Variants in APP observed in about 807,000 individuals in gnomAD.
The protein encoded by APP is amyloid-beta precursor protein.
In APP, 31 loss-of-function variants were observed where a neutral mutation model predicts 101.4. The observed-to-expected ratio is 0.31, with a 90% confidence interval of 0.23 to 0.41. The LOEUF (loss-of-function observed/expected upper bound fraction) is 0.41. APP is among the 10% of genes least tolerant of loss of function. The pLI is 1.00. For synonymous variants in APP, 366 were observed against 364.4 expected (o/e 1.00, Z -0.05); for missense variants, 839 against 1,003.7 (o/e 0.84, Z 2.22).
At chr21:26,091,516 T>C (rs1364626448) in intron 2 of APP, among the ~76,000 whole-genome samples, 1 of 152,092 alleles carries the variant, frequency 6.6e-6, no homozygotes, top group Non-Finnish European at 1.5e-5. Flanking sequence ...CAAATTGGAA[T>C]ACTGGAAGGA....
rs2038154989 is a variant in APP at position 25,897,561 on chromosome 21, T to A, written c.2064+12A>T. ...CAAACAGTAGTGGAAAGAGGTAAAT[T>A]ATTTTACGTACCAATTTTTGATGAT... On this transcript the variant is annotated intron_variant, in intron 16 of 17. Transcript: ENST00000346798. 1.3e-6 allele frequency: 2 copies of A among 1,598,870 alleles called. No individual in the cohort carries two copies. The highest frequency in any genetic ancestry group is 1.7e-6 in the Non-Finnish European group (2 of 1,166,210).
intron 15 of APP, among the ~76,000 whole-genome samples, chr21:25,904,515 G>A (rs2038682407): frequency 6.6e-6 from 1 of 152,166 alleles, no homozygotes; most frequent in South Asian, 2.1e-4. Flanking sequence ...TTGGGCTCTG[G>A]AAAGAAACCA....
chr21:25,908,805 G>C (rs2038917428), intron 14 of APP, among the ~76,000 whole-genome samples: 1 of 151,888 alleles, frequency 6.6e-6, no homozygotes, highest in East Asian at 1.9e-4. Context: ...AGGAATTATT[G>C]TCAACCTTAT....
At chr21:26,021,075 T>C (rs1488023517) in intron 6 of APP, among the ~76,000 whole-genome samples, 1 of 131,744 alleles carries the variant, frequency 7.6e-6, no homozygotes. Flanking sequence ...TTTGAGACAA[T>C]CTTGCTCTGT....
At position 26,004,275 on chromosome 21, in the gene APP, C is replaced by CTTTTT. The variant is rs71183538; in HGVS notation, c.866-4098_866-4094dup. ...TATGCAGGGTCTCTTTGTATTAATT[C>CTTTTT]TTTTTTTTTTTTTTTTTTTTTTTTT... is the stretch of plus-strand genomic sequence containing the variant. On this transcript the variant is annotated intron_variant, in intron 6 of 17. Coordinates refer to ENST00000346798, the MANE Select transcript of APP (RefSeq NM_000484.4). Among the ~76,000 whole-genome samples, 41 of 72,796 alleles carry CTTTTT rather than the reference C, an allele frequency of 5.6e-4. 1 individual carries two copies. The highest frequency in any genetic ancestry group is 5.1e-4 in the East Asian group (1 of 1,980). The allele number at this position is 72,796 out of a possible 152,430, so 47.8% of individuals were successfully genotyped here.
At position 25,901,814 on chromosome 21, in the gene APP, T is replaced by C. The variant is rs375097533; in HGVS notation, c.1963+3210A>G. Among the ~76,000 whole-genome samples, 4 of 115,874 alleles carry C rather than the reference T, an allele frequency of 3.5e-5. No individual in the cohort carries two copies. The East Asian group carries it at 7.7e-4, about 22-fold the overall frequency. The allele number at this position is 115,874 out of a possible 152,430, so 76.0% of individuals were successfully genotyped here. The stretch of plus-strand genomic sequence containing the variant: ...GGGGCTAAGGGAGGTATGTCCTTCA[T>C]GACACCTCTTGCATGGCTCGGGTCA... On this transcript the variant is annotated intron_variant, in intron 15 of 17. Transcript: ENST00000346798.
chr21:25,970,026 A>G (rs969848317), intron 11 of APP, among the ~76,000 whole-genome samples: 9 of 146,622 alleles, frequency 6.1e-5, no homozygotes, highest in African/African-American at 2.4e-4. Context: ...GAGAGAGAAA[A>G]TAAATAAATA....
At chr21:26,162,417 C>T (rs1186347174) in intron 1 of APP, among the ~76,000 whole-genome samples, 1 of 152,136 alleles carries the variant, frequency 6.6e-6, no homozygotes, top group Non-Finnish European at 1.5e-5. Context: ...ATGAATAAAC[C>T]TTTAATGGAT....
At position 25,997,419 on chromosome 21, in the gene APP, A is replaced by G. The variant is rs750093605; in HGVS notation, c.1034-3T>C. 1.9e-6 allele frequency: 3 copies of G among 1,611,588 alleles called. No homozygotes were observed. Among genetic ancestry groups the G allele is most frequent in the Non-Finnish European group, 2.5e-6 (3 of 1,177,718 alleles). On this transcript the variant is annotated splice_region_variant and splice_polypyrimidine_tract_variant and intron_variant, in intron 7 of 17. Transcript: ENST00000346798. ...AGTCTTGAGTAAACTTTGGGACACTATGGAAAAAATAAGAGAACATAACTA... is the reference window on the plus strand; with the variant it reads ...AGTCTTGAGTAAACTTTGGGACACTGTGGAAAAAATAAGAGAACATAACTA...
intron 5 of APP, among the ~76,000 whole-genome samples, chr21:26,027,370 C>G (rs2044626332): frequency 6.6e-6 from 1 of 152,114 alleles, no homozygotes; most frequent in African/African-American, 2.4e-5. Context: ...CTCTCTGTCT[C>G]AACTCTCCAA....
chr21:26,013,332 CAA>C (rs1337542032), intron 6 of APP, among the ~76,000 whole-genome samples: 1 of 151,788 alleles, frequency 6.6e-6, no homozygotes, highest in Non-Finnish European at 1.5e-5. Context: ...CAAAACAAAA[CAA>C]AAAAAGTGTG....
chr21:26,073,905 A>G (rs2146044767), intron 3 of APP, among the ~76,000 whole-genome samples: 1 of 152,338 alleles, frequency 6.6e-6, no homozygotes, highest in East Asian at 1.9e-4. Context: ...TTCATGTTAA[A>G]TATGCTTGGA....
chr21:25,986,631 C>T (rs565085572), intron 8 of APP, among the ~76,000 whole-genome samples: 23 of 152,100 alleles, frequency 1.5e-4, no homozygotes, highest in Non-Finnish European at 2.2e-4. Flanking sequence ...ACCTGGGAGG[C>T]GGAGGTTGCG....
At chr21:25,917,853 A>C (rs1601398540) in intron 13 of APP, among the ~76,000 whole-genome samples, 1 of 152,204 alleles carries the variant, frequency 6.6e-6, no homozygotes, top group East Asian at 1.9e-4. Context: ...CCCATCAAAA[A>C]GTGGGCAAAG....
At chr21:25,903,487 T>C (rs995955831) in intron 15 of APP, among the ~76,000 whole-genome samples, 3 of 152,212 alleles carry the variant, frequency 2.0e-5, no homozygotes, top group South Asian at 2.1e-4. Context: ...TGGCCCAATG[T>C]AGAAATTTGA....
At chr21:26,078,187 G>A (rs548363125) in intron 3 of APP, among the ~76,000 whole-genome samples, 11 of 151,962 alleles carry the variant, frequency 7.2e-5, no homozygotes, top group African/African-American at 1.9e-4. Context: ...AATATAATAC[G>A]TGAGAAAAAA....
chr21:26,024,132 C>T (rs1224971362), intron 5 of APP, among the ~76,000 whole-genome samples: 1 of 152,126 alleles, frequency 6.6e-6, no homozygotes, highest in Non-Finnish European at 1.5e-5. Flanking sequence ...TATCGTATAC[C>T]ACCTAGCAGG....
chr21:26,049,687 T>C (rs2146899838), intron 5 of APP, among the ~76,000 whole-genome samples: 2 of 152,276 alleles, frequency 1.3e-5, no homozygotes, highest in South Asian at 4.1e-4. Context: ...TTAGAAAATG[T>C]GAAGGGTTTC....
intron 17 of APP, among the ~76,000 whole-genome samples, chr21:25,887,547 CT>C (rs2037416151): frequency 7.3e-6 from 1 of 136,084 alleles, no homozygotes; most frequent in South Asian, 2.3e-4. Flanking sequence ...AAAACAACAA[CT>C]AGCAAGTGCT....
Sources: gnomAD v4.1 joint callset for allele counts (sites outside exome capture counted in the v4.1 genomes callset) on GRCh38, gnomAD v4.1.1 for gene constraint, MANE v1.5 for transcripts, NCBI Gene and HGNC (gene_info 2026-07-23, HGNC 2026-07-21) for gene names.